CERS3: variants seen among roughly 807,000 people sequenced by gnomAD.
CERS3 encodes ceramide synthase 3.
In CERS3, 33 loss-of-function variants were observed where a neutral mutation model predicts 50.3. The ratio of observed to expected loss-of-function variants is 0.66; its 90% CI spans 0.50 to 0.88. CERS3 has a LOEUF of 0.88. Among genes scored for constraint, CERS3 ranks in the 40% least tolerant of loss-of-function variants. The pLI is 0.00. For missense variants in CERS3, 470 were observed against 460.3 expected, an observed-to-expected ratio of 1.02 and a Z score of -0.19; for synonymous variants, 176 against 155.2, an observed-to-expected ratio of 1.13 and a Z score of -0.99.
intron 11 of CERS3, among the ~76,000 whole-genome samples, chr15:100,425,315 A>T (rs534228128): frequency 5.3e-5 from 8 of 152,232 alleles, no homozygotes; most frequent in Non-Finnish European, 1.2e-4. Flanking sequence ...GAAAAGCCAC[A>T]GGCACGCAAC....
chr15:100,505,884 A>G (rs1293122992), intron 2 of CERS3, among the ~76,000 whole-genome samples: 1 of 152,194 alleles, frequency 6.6e-6, no homozygotes, highest in African/African-American at 2.4e-5. Context: ...GCATGGTGGC[A>G]TGCGCCTGTA....
Position 100,497,819 on chromosome 15 carries a change from T to C in CERS3, c.173+3858A>G, listed in dbSNP as rs183831786. Among the ~76,000 whole-genome samples the C allele has an allele frequency of 2.6e-4, 39 of 149,968 alleles. 1 individual carries two copies. The highest frequency in any genetic ancestry group is 9.6e-4 in the African/African-American group (39 of 40,830). On this transcript the variant is annotated intron_variant, in intron 3 of 11. Transcript: ENST00000679737. ...TCTTTGTTAACTTCAAGGACAGACT[T>C]AATGATTTTTGTTTTACTGGATACC...
intron 11 of CERS3, among the ~76,000 whole-genome samples, chr15:100,430,898 C>G (rs1055318318): frequency 6.6e-6 from 1 of 152,158 alleles, no homozygotes; most frequent in Non-Finnish European, 1.5e-5. Flanking sequence ...ACTCTGGCTA[C>G]GCGTGGCCGT....
intron 1 of CERS3, among the ~76,000 whole-genome samples, chr15:100,538,656 C>T (rs576406717): frequency 6.6e-6 from 1 of 152,340 alleles, no homozygotes; most frequent in South Asian, 2.1e-4. Context: ...GCCGAGCCCA[C>T]AAAACCATTT....
At chr15:100,456,674 T>C (rs2034383323) in intron 10 of CERS3, among the ~76,000 whole-genome samples, 1 of 152,176 alleles carries the variant, frequency 6.6e-6, no homozygotes, top group South Asian at 2.1e-4. Flanking sequence ...GGGCCGGGCA[T>C]GGTGGCTCAT....
intron 2 of CERS3, among the ~76,000 whole-genome samples, chr15:100,507,218 A>G (rs2036211180): frequency 6.6e-6 from 1 of 152,214 alleles, no homozygotes. Context: ...AAAAAACAGT[A>G]TGCTTTAAAA....
chr15:100,482,599 ATT>A (rs576393428), intron 5 of CERS3, among the ~76,000 whole-genome samples: 1,588 of 27,068 alleles, frequency 0.059, 28 homozygotes, highest in East Asian at 0.35. Flanking sequence ...GTGGAATTTG[ATT>A]TTTTTTTTTT....
chr15:100,532,971 G>A (rs1304626027), upstream of CERS3, among the ~76,000 whole-genome samples: 3 of 152,152 alleles, frequency 2.0e-5, no homozygotes, highest in Non-Finnish European at 4.4e-5. Flanking sequence ...GATGCCTCTA[G>A]ATCCCCACAT....
rs116452652 is a variant in CERS3, at chr15:100,424,943, C to T, written c.1000-22078G>A. The stretch of plus-strand genomic sequence containing the variant: ...TTTTCCCAGCTGCTTTAGCTCCAGC[C>T]ATGGCTAAAAGGGCCCCAGATATGT... On this transcript the variant is annotated intron_variant, in intron 11 of 11. Transcript: ENST00000679737. 4.1e-3 allele frequency among the ~76,000 whole-genome samples: 618 copies of T among 152,294 alleles called. 8 individuals are homozygous for T. The highest frequency in any genetic ancestry group is 0.014 in the African/African-American group (598 of 41,560).
At chr15:100,533,172 A>G (rs1434629425), upstream of CERS3, among the ~76,000 whole-genome samples, 1 of 152,202 alleles carries the variant, frequency 6.6e-6, no homozygotes, top group African/African-American at 2.4e-5. Context: ...GCTTTCCTGC[A>G]TCCAGACTCA....
At chr15:100,448,440 C>T (rs1808898676) in intron 11 of CERS3, among the ~76,000 whole-genome samples, 1 of 152,200 alleles carries the variant, frequency 6.6e-6, no homozygotes, top group South Asian at 2.1e-4. Context: ...ACATTCCCAT[C>T]ATGGACTCCT....
intron 11 of CERS3, among the ~76,000 whole-genome samples, chr15:100,440,691 T>C (rs1300235716): frequency 6.6e-6 from 1 of 152,222 alleles, no homozygotes; most frequent in Admixed American, 6.5e-5. Flanking sequence ...GTGAGAAAGA[T>C]CCACCTACGA....
intron 11 of CERS3, among the ~76,000 whole-genome samples, chr15:100,454,387 CA>C (rs59536958): frequency 7.2e-5 from 8 of 111,462 alleles, no homozygotes; most frequent in African/African-American, 1.0e-4. Context: ...AAGGCATTGT[CA>C]AAAAAAAAAA....
At chr15:100,404,819 C>T (rs2030862025) in intron 11 of CERS3, among the ~76,000 whole-genome samples, 1 of 152,154 alleles carries the variant, frequency 6.6e-6, no homozygotes, top group Admixed American at 6.5e-5. Context: ...AATAGATCCA[C>T]ACAAATATGG....
At chr15:100,535,332 G>A (rs553356645) in intron 1 of CERS3, among the ~76,000 whole-genome samples, 13 of 152,324 alleles carry the variant, frequency 8.5e-5, no homozygotes, top group African/African-American at 2.9e-4. Flanking sequence ...TGAACATAGT[G>A]TTCAGTCATT....
upstream of CERS3, among the ~76,000 whole-genome samples, chr15:100,533,749 A>G (rs200684228): frequency 2.2e-4 from 34 of 151,948 alleles, no homozygotes; most frequent in African/African-American, 8.0e-4. Flanking sequence ...TAGTAGAGAC[A>G]GGGTTTCACC....
intron 2 of CERS3, among the ~76,000 whole-genome samples, chr15:100,521,045 T>C (rs1488425998): frequency 2.0e-5 from 3 of 152,270 alleles, no homozygotes; most frequent in South Asian, 2.1e-4. Context: ...TGCTTCCAAT[T>C]TGCAGGTGAA....
intron 11 of CERS3, among the ~76,000 whole-genome samples, chr15:100,432,141 C>G (rs1056730582): frequency 2.0e-5 from 3 of 151,762 alleles, no homozygotes; most frequent in African/African-American, 7.3e-5. Flanking sequence ...AATCATGGCT[C>G]ACTGAAGCCT....
At chr15:100,519,936 G>A (rs1220677453) in intron 2 of CERS3, among the ~76,000 whole-genome samples, 1 of 152,154 alleles carries the variant, frequency 6.6e-6, no homozygotes, top group Admixed American at 6.5e-5. Flanking sequence ...ATTTAAAAGA[G>A]CCCCCTTTGG....
Sources: gnomAD v4.1 joint callset for allele counts (sites outside exome capture counted in the v4.1 genomes callset) on GRCh38, gnomAD v4.1.1 for gene constraint, MANE v1.5 for transcripts, NCBI Gene and HGNC (gene_info 2026-07-23, HGNC 2026-07-21) for gene names.